The following RTF1 variants were observed in gnomAD, a reference collection of about 807,000 sequenced individuals.
The protein encoded by RTF1 is RTF1 homolog, Paf1/RNA polymerase II complex component, also known as RNA polymerase-associated protein RTF1 homolog.
In RTF1, 10 loss-of-function variants were observed where a neutral mutation model predicts 95.7. The ratio of observed to expected loss-of-function variants is 0.10; its 90% CI spans 0.06 to 0.18. The LOEUF is 0.18. RTF1 is among the 10% of genes least tolerant of loss of function. The pLI, the probability that RTF1 is intolerant of heterozygous loss-of-function variation, is 1.00. For synonymous variants in RTF1, 305 were observed against 311.8 expected, an observed-to-expected ratio of 0.98 and a Z score of 0.23; for missense variants, 458 against 875.6, an observed-to-expected ratio of 0.52 and a Z score of 6.02.
chr15:41,458,462 A>T (rs2050830041), intron 4 of RTF1, among the ~76,000 whole-genome samples: 1 of 152,132 alleles, frequency 6.6e-6, no homozygotes. Context: ...CTATTCTGTA[A>T]CACCGCACTA....
Position 41,476,443 on chromosome 15 carries a change from C to T in RTF1, c.1483-3C>T, listed in dbSNP as rs2050942303. The T allele has an allele frequency of 1.9e-6, 3 of 1,612,524 alleles. No homozygotes were observed. Among genetic ancestry groups the T allele is most frequent in the Admixed American group, 1.7e-5 (1 of 59,960 alleles). ...CACTGCTGGTATCTCCTCTCTGGTA[C>T]AGATTGTAAAAGAGAAAGAAAGGTT... On this transcript the variant is annotated splice_region_variant and splice_polypyrimidine_tract_variant and intron_variant, in intron 11 of 17. Coordinates refer to ENST00000389629, the MANE Select transcript of RTF1 (RefSeq NM_015138.5).
At chr15:41,429,491 G>A (rs1450076568) in intron 1 of RTF1, among the ~76,000 whole-genome samples, 1 of 146,760 alleles carries the variant, frequency 6.8e-6, no homozygotes, top group Non-Finnish European at 1.5e-5. Flanking sequence ...TAAAACCCTT[G>A]CTGGATTGGG....
chr15:41,478,999 C>T (rs1380387663), intron 15 of RTF1, 104 bp from the exon 16 acceptor site: 11 of 679,106 alleles, frequency 1.6e-5, no homozygotes, highest in South Asian at 5.4e-5. Context: ...GCTGATGGGT[C>T]GGCTGTGGTG....
chr15:41,418,859 A>G (rs1239453366), intron 1 of RTF1, among the ~76,000 whole-genome samples: 1 of 151,406 alleles, frequency 6.6e-6, no homozygotes, highest in South Asian at 2.1e-4. Context: ...TTATTTATTT[A>G]TTTATTTTTT....
chr15:41,471,239 T>A lies in RTF1; in HGVS notation c.1093T>A (p.Ser365Thr), dbSNP rs756584026. ...TGAAGAATTGAATCGGGTTCGATTA[T>A]CACGGCATAAGCTAGAACGCTGGTG... ...LPEELNRVRL[S>T]RHKLERWCHM... The change falls in exon 8 of 18, where the codon TCA becomes ACA. Residue 365 changes from serine (S) to threonine (T), a missense_variant. Ser to Thr is a moderately conservative substitution (Grantham distance 58, BLOSUM62 1). Coordinates refer to ENST00000389629, the MANE Select transcript of RTF1 (RefSeq NM_015138.5). 1 of 1,613,938 alleles carries A rather than the reference T, an allele frequency of 6.2e-7. No individual in the cohort carries two copies.
chr15:41,464,550 A>G (rs905345821), intron 4 of RTF1, among the ~76,000 whole-genome samples: 1 of 152,102 alleles, frequency 6.6e-6, no homozygotes, highest in African/African-American at 2.4e-5. Context: ...GTAGTCTCTC[A>G]TTTTAAACAT....
chr15:41,483,121 A>C lies in RTF1; in HGVS notation c.*2434A>C, dbSNP rs535016491. On this transcript the variant is annotated 3_prime_UTR_variant, in exon 18 of 18. Transcript: ENST00000389629. ...TTCCACCCGAGTAGCCTCTGTAGTG[A>C]TTGGGACCAAGACTAAGGACTTGTC... 2 of 152,738 alleles carry C rather than the reference A, an allele frequency of 1.3e-5. No homozygotes were observed. Among genetic ancestry groups the C allele is most frequent in the Admixed American group, 1.3e-4 (2 of 15,292 alleles). 9.5% of individuals were successfully genotyped at this position (152,738 alleles called of 1,614,324 possible).
At chr15:41,433,243 A>C (rs2050684679) in intron 1 of RTF1, among the ~76,000 whole-genome samples, 1 of 152,114 alleles carries the variant, frequency 6.6e-6, no homozygotes, top group Non-Finnish European at 1.5e-5. Context: ...GTGAGAGTCC[A>C]TCTCAAAAAA....
intron 6 of RTF1, among the ~76,000 whole-genome samples, chr15:41,469,212 C>T (rs1429506469): frequency 6.6e-6 from 1 of 152,112 alleles, no homozygotes; most frequent in Non-Finnish European, 1.5e-5. Flanking sequence ...AGTGATCCGC[C>T]TTGCCTTGGC....
intron 2 of RTF1, among the ~76,000 whole-genome samples, chr15:41,446,347 G>T (rs530742854): frequency 6.6e-6 from 1 of 152,106 alleles, no homozygotes; most frequent in East Asian, 1.9e-4. Flanking sequence ...GAGGCGGGCG[G>T]ATCACGAGGT....
chr15:41,468,548 A>C (rs891020692), intron 6 of RTF1, among the ~76,000 whole-genome samples: 1 of 152,028 alleles, frequency 6.6e-6, no homozygotes, highest in African/African-American at 2.4e-5. Context: ...TGATCTCCTG[A>C]CCTTGTGATC....
intron 5 of RTF1, among the ~76,000 whole-genome samples, chr15:41,465,932 T>G: frequency 6.6e-6 from 1 of 152,196 alleles, no homozygotes; most frequent in South Asian, 2.1e-4. Flanking sequence ...GGATAATTCT[T>G]GAACTTGGAA....
chr15:41,427,517 A>G (rs1232792281), intron 1 of RTF1, among the ~76,000 whole-genome samples: 2 of 151,976 alleles, frequency 1.3e-5, no homozygotes, highest in Non-Finnish European at 2.9e-5. Context: ...TATTCATTCA[A>G]AATAAAAGCT....
chr15:41,428,686 C>G (rs1216890718), intron 1 of RTF1, among the ~76,000 whole-genome samples: 1 of 151,894 alleles, frequency 6.6e-6, no homozygotes, highest in Non-Finnish European at 1.5e-5. Flanking sequence ...GATCCTCCCT[C>G]CTCTGCCTCT....
At position 41,430,218 on chromosome 15, in the gene RTF1, C is replaced by T. The variant is rs1237805283; in HGVS notation, c.199-8103C>T. 4.1e-5 allele frequency among the ~76,000 whole-genome samples: 6 copies of T among 148,008 alleles called. No individual in the cohort carries two copies. The East Asian group carries it at 1.2e-3, about 30-fold the overall frequency. On this transcript the variant is annotated intron_variant, in intron 1 of 17. Transcript: ENST00000389629. Reference sequence around the variant, plus strand: ...TTTTGAGACAGAGTCTCGCTGCCCCCTAGGCTGGAGTGCAGTGGCGCGATC... The same window carrying T: ...TTTTGAGACAGAGTCTCGCTGCCCCTTAGGCTGGAGTGCAGTGGCGCGATC...
intron 6 of RTF1, among the ~76,000 whole-genome samples, chr15:41,468,348 C>G (rs540504704): frequency 6.7e-6 from 1 of 149,734 alleles, no homozygotes; most frequent in Non-Finnish European, 1.5e-5. Flanking sequence ...GACGGAGTCT[C>G]GCTCTGTCGC....
intron 2 of RTF1, among the ~76,000 whole-genome samples, chr15:41,447,667 G>A (rs1268574439): frequency 6.6e-6 from 1 of 152,224 alleles, no homozygotes; most frequent in Non-Finnish European, 1.5e-5. Context: ...CAGGATGTCA[G>A]TGTGTACAAG....
intron 1 of RTF1, among the ~76,000 whole-genome samples, chr15:41,426,345 G>A (rs558991191): frequency 8.0e-4 from 121 of 150,748 alleles, no homozygotes; most frequent in African/African-American, 2.7e-3. Flanking sequence ...TCGCTCTGTC[G>A]CCCAGGGTGG....
At chr15:41,449,247 T>C (rs946143656) in intron 2 of RTF1, among the ~76,000 whole-genome samples, 2 of 148,812 alleles carry the variant, frequency 1.3e-5, no homozygotes, top group South Asian at 4.3e-4. Context: ...TTTTTTTTTT[T>C]TGAGACAGAG....
Sources: allele counts gnomAD v4.1 joint callset (sites outside exome capture counted in the v4.1 genomes callset), GRCh38; gene constraint gnomAD v4.1.1; transcripts MANE v1.5; gene names NCBI Gene and HGNC (gene_info 2026-07-23, HGNC 2026-07-21).